The following RPA1 variants were observed in gnomAD, a reference collection of about 807,000 sequenced individuals.
RPA1 encodes the protein replication protein A1, also known as replication protein A 70 kDa DNA-binding subunit.
Under a neutral mutation model 83.0 loss-of-function variants are expected in RPA1, and 49 were observed. The ratio of observed to expected loss-of-function variants is 0.59; its 90% CI spans 0.47 to 0.75. RPA1 has a LOEUF of 0.75. Among genes scored for constraint, RPA1 ranks in the 30% least tolerant of loss-of-function variants. RPA1 has a pLI of 0.00. For synonymous variants in RPA1, 279 were observed against 281.8 expected (o/e 0.99, Z 0.10); for missense variants, 693 against 776.1 (o/e 0.89, Z 1.27).
At chr17:1,879,939 A>G (rs1338718031) in intron 11 of RPA1, among the ~76,000 whole-genome samples, 43 of 100,746 alleles carry the variant, frequency 4.3e-4, no homozygotes, top group South Asian at 1.1e-3. Context: ...GAGCTCCTGG[A>G]GTTGAGGGAG....
At chr17:1,880,241 C>T (rs1913738686) in intron 11 of RPA1, among the ~76,000 whole-genome samples, 1 of 152,176 alleles carries the variant, frequency 6.6e-6, no homozygotes. Flanking sequence ...GGGGCTTTCA[C>T]CATGTAGATG....
chr17:1,843,103 C>A (rs1912119838), intron 2 of RPA1, among the ~76,000 whole-genome samples: 1 of 151,956 alleles, frequency 6.6e-6, no homozygotes. Flanking sequence ...TTCCTCCCCA[C>A]TGTTGATAGA....
intron 1 of RPA1, among the ~76,000 whole-genome samples, chr17:1,831,119 T>C (rs909735711): frequency 2.0e-5 from 3 of 152,202 alleles, no homozygotes; most frequent in Non-Finnish European, 4.4e-5. Context: ...CACAAATTTC[T>C]TTGTACAGAG....
In RPA1 at chr17:1,879,273, A is replaced by G; in HGVS notation, c.818A>G (p.Lys273Arg). The change falls in exon 10 of 17, where the codon AAA becomes AGA. Residue 273 changes from lysine (K) to arginine (R), a missense_variant. Physicochemically the swap from Lys to Arg is conservative, Grantham distance 26. Coordinates refer to ENST00000254719, the MANE Select transcript of RPA1 (RefSeq NM_002945.5). ...GCTAACAAGCAGTTCACAGCTGTTA[A>G]AAATGACTACGAGATGACCTTCAAT... ...KIANKQFTAVKNDYEMTFNNE... is the reference protein window; with the variant it reads ...KIANKQFTAVRNDYEMTFNNE... 6.2e-7 allele frequency: 1 copy of G among 1,614,224 alleles called. No homozygotes were observed. Among genetic ancestry groups the G allele is most frequent in the Non-Finnish European group, 8.5e-7 (1 of 1,180,044 alleles).
At chr17:1,879,482 A>G in intron 10 of RPA1, 75 bp downstream of exon 10, 1 of 1,611,664 alleles carries the variant, frequency 6.2e-7, no homozygotes, top group Non-Finnish European at 8.5e-7. Flanking sequence ...GTCAGGCTTC[A>G]GTGCTTGCCG....
At chr17:1,894,253 G>A (rs757175841) in intron 15 of RPA1, among the ~76,000 whole-genome samples, 17 of 151,130 alleles carry the variant, frequency 1.1e-4, no homozygotes, top group Non-Finnish European at 2.2e-4. Context: ...TGTAGCCTCC[G>A]CCTCTCAGGT....
At chr17:1,872,269 C>A (rs1913400901) in intron 5 of RPA1, 165 bp from the exon 6 acceptor site, 4 of 1,054,218 alleles carry the variant, frequency 3.8e-6, no homozygotes, top group Non-Finnish European at 5.4e-6. Context: ...GAACCCCTAG[C>A]AAATTCACCG....
rs17292189 is a variant in RPA1, at chr17:1,882,077, G to T, written c.1241+1386G>T. ...AGGGTAACATCCATTCTGTTAGATG[G>T]TCTCTGTTTAAGGAACCTGTTCTTT... On this transcript the variant is annotated intron_variant, in intron 12 of 16. Coordinates refer to ENST00000254719, the MANE Select transcript of RPA1 (RefSeq NM_002945.5). Among the ~76,000 whole-genome samples, 771 of 152,244 alleles carry T rather than the reference G, an allele frequency of 5.1e-3. 4 individuals carry two copies. The highest frequency in any genetic ancestry group is 0.017 in the African/African-American group (727 of 41,544).
intron 4 of RPA1, among the ~76,000 whole-genome samples, chr17:1,845,421 A>G (rs1481534601): frequency 1.3e-5 from 2 of 151,738 alleles, no homozygotes; most frequent in Non-Finnish European, 2.9e-5. Flanking sequence ...CTACAGTCCT[A>G]GCTACATGGG....
intron 4 of RPA1, among the ~76,000 whole-genome samples, chr17:1,851,543 G>A (rs555489363): frequency 9.2e-5 from 14 of 152,202 alleles, no homozygotes; most frequent in Non-Finnish European, 1.5e-4. Flanking sequence ...TGATATTAGT[G>A]TATTCTTTTA....
chr17:1,893,914 C>T (rs7213213), intron 15 of RPA1, among the ~76,000 whole-genome samples: 1,870 of 151,868 alleles, frequency 0.012, 49 homozygotes, highest in African/African-American at 0.043. Context: ...GTTGGAGCGC[C>T]GTGGTGTGCG....
chr17:1,889,392 A>G (rs1914123620), intron 14 of RPA1, among the ~76,000 whole-genome samples: 1 of 151,798 alleles, frequency 6.6e-6, no homozygotes, highest in South Asian at 2.1e-4. Context: ...ATAGAGTGCA[A>G]TGGTATCATC....
intron 12 of RPA1, 122 bp from the exon 13 acceptor site, chr17:1,883,690 C>T: frequency 8.5e-7 from 1 of 1,172,056 alleles, no homozygotes; most frequent in Non-Finnish European, 1.2e-6. Flanking sequence ...TGACCGTGAC[C>T]TGTGTGAAAG....
chr17:1,844,708 G>C (rs780866641), intron 4 of RPA1, 22 bp downstream of exon 4: 1 of 1,570,702 alleles, frequency 6.4e-7, no homozygotes, highest in Non-Finnish European at 8.7e-7. Context: ...GTTTTTTTCT[G>C]TCTTATTGTA....
chr17:1,875,535 C>G lies in RPA1; in HGVS notation c.455-126C>G, dbSNP rs17338809. The G allele has an allele frequency of 2.9e-3, 2,917 of 1,015,602 alleles. 59 individuals are homozygous for G. In the African/African-American group the frequency reaches 0.042, roughly 15 times the overall value. 62.9% of individuals were successfully genotyped at this position (1,015,602 alleles called of 1,614,324 possible). A position where few individuals can be genotyped will look rare whatever the true frequency, so the allele number is the denominator to read the frequency against. Reference sequence around the variant, plus strand: ...ATCTCTTGCATATAAAAAGGAAAAGCTTTGCCTCTCATGTTATATGATTTC... The same window carrying G: ...ATCTCTTGCATATAAAAAGGAAAAGGTTTGCCTCTCATGTTATATGATTTC... On this transcript the variant is annotated intron_variant, in intron 6 of 16. Transcript: ENST00000254719.
intron 12 of RPA1, among the ~76,000 whole-genome samples, chr17:1,883,597 C>T (rs1416846973): frequency 6.6e-6 from 1 of 152,018 alleles, no homozygotes; most frequent in Non-Finnish European, 1.5e-5. Context: ...GCCTGGGTGA[C>T]AGAGTGAAAC....
chr17:1,892,532 C>G (rs1030299926), intron 15 of RPA1, among the ~76,000 whole-genome samples: 1 of 152,232 alleles, frequency 6.6e-6, no homozygotes, highest in Admixed American at 6.5e-5. Flanking sequence ...ATTAGCACAT[C>G]AGAGCTAGTG....
rs1260538686 is a variant in RPA1 at position 1,891,865 on chromosome 17, G to A, written c.1584G>A (p.Trp528Ter). The change falls in exon 15 of 17, where the codon TGG becomes TGA. Residue 528 changes from tryptophan (W) to a stop codon, truncating the protein, a stop_gained. Transcript: ENST00000254719. LOFTEE classifies it high-confidence loss of function. ...VNIADFQENQ[W>*]VTCFQESAEA... ...TTGCAGATTTTCAAGAGAATCAGTG[G>A]GTGACTTGTTTCCAGGAGTCTGCTG... The A allele has an allele frequency of 6.2e-7, 1 of 1,604,446 alleles. No homozygotes were observed. Among genetic ancestry groups the A allele is most frequent in the East Asian group, 2.2e-5 (1 of 44,690 alleles).
At chr17:1,849,525 C>T (rs1465219276) in intron 4 of RPA1, among the ~76,000 whole-genome samples, 1 of 151,916 alleles carries the variant, frequency 6.6e-6, no homozygotes, top group Admixed American at 6.6e-5. Context: ...ATCTCCTGAC[C>T]TCATGATCTG....
Sources: allele counts gnomAD v4.1 joint callset (sites outside exome capture counted in the v4.1 genomes callset), GRCh38; gene constraint gnomAD v4.1.1; transcripts MANE v1.5; gene names NCBI Gene and HGNC (gene_info 2026-07-23, HGNC 2026-07-21).